OPRM1: variants seen among roughly 807,000 people sequenced by gnomAD.
OPRM1 encodes mu-type opioid receptor.
A neutral mutation model predicts 31.8 loss-of-function variants in OPRM1; 27 were observed. The observed-to-expected ratio is 0.85, with a 90% CI of 0.63 to 1.17. The LOEUF is 1.17. OPRM1 is among the 50% of genes most tolerant of loss of function. OPRM1 has a pLI of 0.00. For synonymous variants in OPRM1, 196 were observed against 189.9 expected (o/e 1.03, Z -0.26); for missense variants, 536 against 511.1 (o/e 1.05, Z -0.47).
At position 154,039,564 on chromosome 6, in the gene OPRM1, C is replaced by A. The variant is rs777099271; in HGVS notation, c.20C>A (p.Pro7His). The change falls in exon 1 of 4, where the codon CCC becomes CAC. Residue 7 changes from proline to histidine, a missense_variant. Physicochemically the swap from Pro to His is moderately conservative, Grantham distance 77 (BLOSUM62 -2). Transcript: ENST00000330432. The stretch of plus-strand genomic sequence containing the variant: ...AGTACCATGGACAGCAGCGCTGCCC[C>A]CACGAACGCCAGCAATTGCACTGAT... MDSSAA[P>H]TNASNCTDAL... 2.0e-5 allele frequency: 32 copies of A among 1,612,600 alleles called. No homozygotes were observed. Among genetic ancestry groups the A allele is most frequent in the Admixed American group, 1.2e-4 (7 of 59,816 alleles).
Position 154,199,752 on chromosome 6 carries a change from T to A in OPRM1, c.1165-46941T>A, listed in dbSNP as rs1376993133. Reference sequence around the variant, plus strand: ...CTACTCAATGAAGAAGTATCATCACTAGATAAAGAGTTCAAAAATCCACTT... The same window carrying A: ...CTACTCAATGAAGAAGTATCATCACAAGATAAAGAGTTCAAAAATCCACTT... On this transcript the variant is annotated intron_variant, in intron 3 of 3. Transcript: ENST00000337049. 9.3e-6 allele frequency: 15 copies of A among 1,614,126 alleles called. No homozygotes were observed. In the Admixed American group the frequency reaches 2.5e-4, roughly 27 times the overall value.
chr6:154,076,220 G>C lies in OPRM1; in HGVS notation c.291-13606G>C, dbSNP rs1286641415. ...ATCATTTTTAATAACCTCAGAATAA[G>C]TAAGACCTTTACGAAAAACATGTAC... is the stretch of plus-strand genomic sequence containing the variant. On this transcript the variant is annotated intron_variant, in intron 1 of 3. Transcript: ENST00000330432. Among the ~76,000 whole-genome samples the C allele has an allele frequency of 2.6e-5, 4 of 152,092 alleles. No individual in the cohort carries two copies. The South Asian group carries it at 6.2e-4, about 24-fold the overall frequency.
In OPRM1 at chr6:154,127,267, G is replaced by T. The variant is rs1797644443; in HGVS notation, c.*8546G>T. Among the ~76,000 whole-genome samples the T allele has an allele frequency of 1.3e-5, 2 of 152,096 alleles. No individual in the cohort carries two copies. Among genetic ancestry groups the T allele is most frequent in the Non-Finnish European group, 1.5e-5 (1 of 68,016 alleles). ...GAGATGTCATGCTTTGAAATCAGTG[G>T]CCATTATCATCTAAGGATTCCGCCA... is the stretch of plus-strand genomic sequence containing the variant. On this transcript the variant is annotated 3_prime_UTR_variant, in exon 4 of 4. Coordinates refer to ENST00000330432, the MANE Select transcript of OPRM1 (RefSeq NM_000914.5).
At chr6:154,177,122 T>C (rs1363623061) in intron 3 of OPRM1, among the ~76,000 whole-genome samples, 1 of 152,204 alleles carries the variant, frequency 6.6e-6, no homozygotes, top group East Asian at 1.9e-4. Flanking sequence ...CCTTACACCT[T>C]ATACAAAAAT....
chr6:154,050,936 A>AG (rs1782082675), intron 1 of OPRM1, among the ~76,000 whole-genome samples: 1 of 152,188 alleles, frequency 6.6e-6, no homozygotes, highest in Non-Finnish European at 1.5e-5. Context: ...AATATATATT[A>AG]GCATGTTTTA....
chr6:154,222,546 G>C (rs1362580474), intron 3 of OPRM1, among the ~76,000 whole-genome samples: 2 of 152,208 alleles, frequency 1.3e-5, no homozygotes, highest in Non-Finnish European at 2.9e-5. Flanking sequence ...ACTTGAATGA[G>C]AGTCTATAGA....
intron 3 of OPRM1, among the ~76,000 whole-genome samples, chr6:154,109,812 G>C (rs997607762): frequency 1.6e-3 from 239 of 151,192 alleles, no homozygotes; most frequent in Non-Finnish European, 3.0e-3. Flanking sequence ...GTGTGTGTGT[G>C]TGTGTGTGTG....
chr6:154,216,803 G>A (rs9383695), intron 3 of OPRM1: 36,541 of 152,250 alleles, frequency 0.24, 4,530 homozygotes, highest in African/African-American at 0.31. Flanking sequence ...AGGAGGCAGA[G>A]GTTGCAGTGA....
intron 3 of OPRM1, chr6:154,091,781 G>A: frequency 3.7e-6 from 4 of 1,067,484 alleles, no homozygotes; most frequent in Non-Finnish European, 4.5e-6. Context: ...AAATAATTCT[G>A]ATCTAGAATC....
chr6:154,084,220 A>C (rs1789931027), intron 1 of OPRM1, among the ~76,000 whole-genome samples: 1 of 152,192 alleles, frequency 6.6e-6, no homozygotes, highest in Non-Finnish European at 1.5e-5. Context: ...CCTTGAAATA[A>C]ATGTAAATTA....
chr6:154,074,851 G>A (rs1447201631), intron 1 of OPRM1, among the ~76,000 whole-genome samples: 1 of 151,994 alleles, frequency 6.6e-6, no homozygotes, highest in Non-Finnish European at 1.5e-5. Flanking sequence ...AAACACAAAA[G>A]ATACTAGAAG....
chr6:154,013,215 C>A (rs1777824127), intron 1 of OPRM1, among the ~76,000 whole-genome samples: 2 of 152,076 alleles, frequency 1.3e-5, no homozygotes, highest in Non-Finnish European at 2.9e-5. Flanking sequence ...AGAACAATAA[C>A]AATGAAGGAT....
At chr6:154,240,775 C>T (rs1780514756) in intron 3 of OPRM1, among the ~76,000 whole-genome samples, 1 of 152,224 alleles carries the variant, frequency 6.6e-6, no homozygotes, top group Non-Finnish European at 1.5e-5. Context: ...CAGACAGTTA[C>T]TTCAATCCCC....
chr6:154,240,676 C>T (rs1485653933), intron 3 of OPRM1, among the ~76,000 whole-genome samples: 1 of 152,184 alleles, frequency 6.6e-6, no homozygotes, highest in East Asian at 1.9e-4. Context: ...TCTCATAAAA[C>T]TGATTTCAAG....
At chr6:154,089,649 G>T (rs1791547544) in intron 1 of OPRM1, 177 bp from the exon 2 acceptor site, 1 of 576,134 alleles carries the variant, frequency 1.7e-6, no homozygotes, top group East Asian at 2.8e-5. Flanking sequence ...CAGCTATTTA[G>T]CCAATAGGTA....
chr6:154,058,018 C>T (rs1204749878), intron 1 of OPRM1, among the ~76,000 whole-genome samples: 1 of 152,164 alleles, frequency 6.6e-6, no homozygotes, highest in Non-Finnish European at 1.5e-5. Context: ...TAAACAAATG[C>T]ATCACATTTC....
downstream of OPRM1, among the ~76,000 whole-genome samples, chr6:154,136,719 A>G (rs1295604387): frequency 6.6e-6 from 1 of 152,138 alleles, no homozygotes; most frequent in Admixed American, 6.5e-5. Flanking sequence ...ATACATGGGG[A>G]GAGTGGTGAA....
intron 3 of OPRM1, among the ~76,000 whole-genome samples, chr6:154,224,710 TAAAAAAAACA>T (rs1278934320): frequency 6.6e-6 from 1 of 151,440 alleles, no homozygotes; most frequent in Non-Finnish European, 1.5e-5. Flanking sequence ...GACTCTGTCT[TAAAAAAAACA>T]AACAAACAAA....
intron 3 of OPRM1, among the ~76,000 whole-genome samples, chr6:154,105,999 G>A (rs938133212): frequency 2.6e-5 from 4 of 152,032 alleles, no homozygotes; most frequent in East Asian, 1.9e-4. Flanking sequence ...AAAAGCTATT[G>A]TGATTTATTC....
Sources: gnomAD v4.1 joint callset for allele counts (sites outside exome capture counted in the v4.1 genomes callset) on GRCh38, gnomAD v4.1.1 for gene constraint, MANE v1.5 for transcripts, NCBI Gene and HGNC (gene_info 2026-07-23, HGNC 2026-07-21) for gene names.